Variants in CACNA2D3 observed in about 807,000 individuals in gnomAD.
CACNA2D3 encodes the protein calcium voltage-gated channel auxiliary subunit alpha2delta 3.
In CACNA2D3, 60 loss-of-function variants were observed where a neutral mutation model predicts 160.6. That is an observed-to-expected ratio of 0.37 (90% CI 0.30 to 0.46). The LOEUF (loss-of-function observed/expected upper bound fraction) is 0.46, where lower values mean the gene tolerates loss of function less well. CACNA2D3 is among the 20% of genes least tolerant of loss of function. The probability of loss-of-function intolerance (pLI) is 1.00; values close to 1 mark genes in which losing one functional copy is unlikely to be tolerated. For missense variants in CACNA2D3, 1,205 were observed against 1,365.0 expected (o/e 0.88, Z 1.85); for synonymous variants, 558 against 492.9 (o/e 1.13, Z -1.75).
At chr3:54,418,768 C>G (rs1174874092) in intron 4 of CACNA2D3, among the ~76,000 whole-genome samples, 1 of 152,168 alleles carries the variant, frequency 6.6e-6, no homozygotes, top group Non-Finnish European at 1.5e-5. Context: ...GCCAGTTGAT[C>G]TACATGAAGT....
chr3:54,524,969 ATTAT>A (rs796628943), intron 5 of CACNA2D3, among the ~76,000 whole-genome samples: 65 of 152,174 alleles, frequency 4.3e-4, no homozygotes, highest in African/African-American at 1.4e-3. Flanking sequence ...TGCCTCTTGG[ATTAT>A]TTAATTAATT....
chr3:54,969,694 A>G, intron 28 of CACNA2D3, 106 bp from the exon 29 acceptor site: 1 of 823,492 alleles, frequency 1.2e-6, no homozygotes, highest in Non-Finnish European at 2.0e-6. Flanking sequence ...ATTCTAGCCC[A>G]TGACTTGGAT....
intron 27 of CACNA2D3, among the ~76,000 whole-genome samples, chr3:54,963,919 T>A (rs547523688): frequency 6.6e-6 from 1 of 152,198 alleles, no homozygotes; most frequent in East Asian, 1.9e-4. Flanking sequence ...GGAAGGAAGA[T>A]ACTTTGTTGA....
intron 5 of CACNA2D3, among the ~76,000 whole-genome samples, chr3:54,528,751 A>T (rs1701762989): frequency 6.6e-6 from 1 of 152,178 alleles, no homozygotes; most frequent in African/African-American, 2.4e-5. Context: ...GTGGGCTGAC[A>T]TTTCTGTCCT....
chr3:54,654,592 G>C (rs866437777), intron 11 of CACNA2D3, among the ~76,000 whole-genome samples: 1 of 152,140 alleles, frequency 6.6e-6, no homozygotes, highest in African/African-American at 2.4e-5. Flanking sequence ...CTAAAATTTA[G>C]AAGCTTGGGG....
intron 11 of CACNA2D3, among the ~76,000 whole-genome samples, chr3:54,715,091 C>T (rs1406981073): frequency 6.6e-6 from 1 of 152,090 alleles, no homozygotes; most frequent in Non-Finnish European, 1.5e-5. Context: ...CAAGACTGCC[C>T]CTACTTCAGA....
intron 12 of CACNA2D3, among the ~76,000 whole-genome samples, chr3:54,763,502 A>T (rs1361171400): frequency 6.6e-5 from 10 of 151,760 alleles, no homozygotes; most frequent in Non-Finnish European, 1.5e-5. Flanking sequence ...TATGGTTCCT[A>T]GTTTTTCCCT....
chr3:54,737,792 G>T (rs1379824319), intron 11 of CACNA2D3, among the ~76,000 whole-genome samples: 1 of 152,166 alleles, frequency 6.6e-6, no homozygotes, highest in Non-Finnish European at 1.5e-5. Context: ...AGCCTCCTGA[G>T]TAGCTGGGAT....
intron 11 of CACNA2D3, among the ~76,000 whole-genome samples, chr3:54,717,246 C>A (rs1458978401): frequency 6.6e-6 from 1 of 152,164 alleles, no homozygotes; most frequent in Non-Finnish European, 1.5e-5. Flanking sequence ...TATGTAGACT[C>A]TTTCCAGTTT....
At chr3:55,027,797 A>G (rs1703596726) in intron 35 of CACNA2D3, among the ~76,000 whole-genome samples, 1 of 152,240 alleles carries the variant, frequency 6.6e-6, no homozygotes, top group Non-Finnish European at 1.5e-5. Flanking sequence ...GCAATGGAAC[A>G]TACAGAACCG....
intron 34 of CACNA2D3, among the ~76,000 whole-genome samples, chr3:55,014,607 C>G (rs1288829322): frequency 6.6e-6 from 1 of 152,116 alleles, no homozygotes; most frequent in East Asian, 1.9e-4. Context: ...TGGCGCGTGC[C>G]TGTAATCCCA....
In CACNA2D3 at chr3:54,569,113, A is replaced by T. The variant is rs573541069; in HGVS notation, c.677-682A>T. Among the ~76,000 whole-genome samples, 3 of 152,344 alleles carry T rather than the reference A, an allele frequency of 2.0e-5. No homozygotes were observed. The South Asian group carries it at 6.2e-4, about 32-fold the overall frequency. Reference sequence around the variant, plus strand: ...TCTTTTCAAATGATATTTTATTCTTAAAAACTAAGTTGGATATATCCTGAC... The same window carrying T: ...TCTTTTCAAATGATATTTTATTCTTTAAAACTAAGTTGGATATATCCTGAC... On this transcript the variant is annotated intron_variant, in intron 6 of 37. Transcript: ENST00000474759.
rs1559563510 is a variant in CACNA2D3, at chr3:54,736,030, T to TAC, written c.1168-16568_1168-16567insCA. Reference sequence around the variant, plus strand: ...ATGTATATATATACACATACATATATATATGTATATATATACACATACATA... The same window carrying TAC: ...ATGTATATATATACACATACATATATACATATGTATATATATACACATACATA... On this transcript the variant is annotated intron_variant, in intron 11 of 37. Transcript: ENST00000474759. 4.7e-3 allele frequency among the ~76,000 whole-genome samples: 297 copies of TAC among 62,706 alleles called. 24 individuals are homozygous for TAC. The highest frequency in any genetic ancestry group is 5.9e-3 in the Non-Finnish European group (182 of 30,600). 41.1% of individuals were successfully genotyped at this position (62,706 alleles called of 152,430 possible).
intron 2 of CACNA2D3, among the ~76,000 whole-genome samples, chr3:54,169,197 T>G (rs1315164788): frequency 2.0e-5 from 3 of 152,190 alleles, no homozygotes; most frequent in African/African-American, 7.2e-5. Flanking sequence ...CTTTTCAGAT[T>G]TCTTCGAAAG....
At chr3:54,696,678 T>C (rs1442063940) in intron 11 of CACNA2D3, among the ~76,000 whole-genome samples, 1 of 152,180 alleles carries the variant, frequency 6.6e-6, no homozygotes, top group African/African-American at 2.4e-5. Flanking sequence ...TCACATTACT[T>C]AGCAAACCCA....
intron 27 of CACNA2D3, among the ~76,000 whole-genome samples, chr3:54,905,145 A>T (rs1700425856): frequency 6.6e-6 from 1 of 152,214 alleles, no homozygotes; most frequent in South Asian, 2.1e-4. Context: ...ATAAAATTCA[A>T]TGAATTTTAG....
rs532020912 is a variant in CACNA2D3, at chr3:54,993,987, C to T, written c.2690+6234C>T. ...TATTTCTGCTGTGCTTGGTGCAACACGCTTGAGCTTTTACCTGTCCAAGGC... is the reference window on the plus strand; with the variant it reads ...TATTTCTGCTGTGCTTGGTGCAACATGCTTGAGCTTTTACCTGTCCAAGGC... On this transcript the variant is annotated intron_variant, in intron 31 of 37. Coordinates refer to ENST00000474759, the MANE Select transcript of CACNA2D3 (RefSeq NM_018398.3). 4.0e-5 allele frequency among the ~76,000 whole-genome samples: 6 copies of T among 151,292 alleles called. No individual in the cohort carries two copies. In the South Asian group the frequency reaches 6.3e-4, roughly 16 times the overall value.
chr3:54,501,023 C>T (rs1701286227), intron 4 of CACNA2D3, among the ~76,000 whole-genome samples: 1 of 152,312 alleles, frequency 6.6e-6, no homozygotes, highest in Admixed American at 6.5e-5. Context: ...ACTGTATCCT[C>T]TTGAAGGGAA....
chr3:54,890,229 G>T (rs1376070318), intron 24 of CACNA2D3, among the ~76,000 whole-genome samples: 3 of 152,114 alleles, frequency 2.0e-5, no homozygotes, highest in Non-Finnish European at 4.4e-5. Flanking sequence ...AGGCATGGTG[G>T]CTCACACCTG....
Sources: allele counts gnomAD v4.1 joint callset (sites outside exome capture counted in the v4.1 genomes callset), GRCh38; gene constraint gnomAD v4.1.1; transcripts MANE v1.5; gene names NCBI Gene and HGNC (gene_info 2026-07-23, HGNC 2026-07-21).